Variants in ATE1 observed in about 807,000 individuals in gnomAD.
ATE1 encodes arginyltransferase 1.
Under a neutral mutation model 70.5 loss-of-function variants are expected in ATE1, and 36 were observed. The observed-to-expected ratio is 0.51, with a 90% CI of 0.39 to 0.67. The LOEUF (loss-of-function observed/expected upper bound fraction) is 0.67. ATE1 is among the 30% of genes least tolerant of loss of function. The pLI is 0.00. For missense variants in ATE1, 593 were observed against 629.5 expected (o/e 0.94, Z 0.62); for synonymous variants, 232 against 219.3 (o/e 1.06, Z -0.51).
At chr10:121,908,587 C>CTTTA (rs1951294914) in intron 5 of ATE1, among the ~76,000 whole-genome samples, 1 of 152,140 alleles carries the variant, frequency 6.6e-6, no homozygotes, top group Admixed American at 6.5e-5. Context: ...TAGAAGCAGT[C>CTTTA]CAGCCAGCCA....
intron 10 of ATE1, among the ~76,000 whole-genome samples, chr10:121,819,736 G>T (rs1357578970): frequency 6.7e-6 from 1 of 149,988 alleles, no homozygotes; most frequent in African/African-American, 2.5e-5. Context: ...ACGCTGCTTG[G>T]GTGATGGGTA....
Position 121,922,430 on chromosome 10 carries a change from TTTG to T in ATE1, c.171-22_171-20del, listed in dbSNP as rs775500898. 9 of 1,494,020 alleles carry T rather than the reference TTTG, an allele frequency of 6.0e-6. No homozygotes were observed. 92.5% of individuals were successfully genotyped at this position (1,494,020 alleles called of 1,614,324 possible). On this transcript the variant is annotated intron_variant, in intron 2 of 11. Coordinates refer to ENST00000224652, the MANE Select transcript of ATE1 (RefSeq NM_001001976.3). ...TCCACTTCTAAAATTATAAAAATAG[TTTG>T]TTAATGTCTTATATATTTTTCACTT...
intron 11 of ATE1, among the ~76,000 whole-genome samples, chr10:121,781,026 G>T (rs1945965641): frequency 6.6e-6 from 1 of 152,050 alleles, no homozygotes. Context: ...TCTATTTTTG[G>T]TTGGCTCCTC....
upstream of ATE1, chr10:121,928,124 A>G: frequency 8.1e-7 from 1 of 1,236,668 alleles, no homozygotes; most frequent in South Asian, 3.6e-5. Context: ...CGCCCGCGCC[A>G]TCTTGACCGA....
chr10:121,894,137 CAA>C (rs35919973), intron 7 of ATE1, among the ~76,000 whole-genome samples: 16,100 of 59,564 alleles, frequency 0.27, 862 homozygotes, highest in East Asian at 0.35. Flanking sequence ...AACTCCATCT[CAA>C]AAAAAAAAAA....
rs376585691 is a variant in ATE1 at position 121,748,890 on chromosome 10, T to C, written c.1379-5032A>G. ...AATCCAACTATATTTAGTCTTAGTG[T>C]TCAAATCCTTCAGAAGCTTGTAGGA... On this transcript the variant is annotated intron_variant, in intron 11 of 11. Coordinates refer to ENST00000224652, the MANE Select transcript of ATE1 (RefSeq NM_001001976.3). Among the ~76,000 whole-genome samples, 4 of 152,194 alleles carry C rather than the reference T, an allele frequency of 2.6e-5. No homozygotes were observed. In the East Asian group the frequency reaches 7.7e-4, roughly 29 times the overall value.
chr10:121,808,515 T>G (rs535699827), intron 10 of ATE1, among the ~76,000 whole-genome samples: 11 of 152,204 alleles, frequency 7.2e-5, no homozygotes, highest in Non-Finnish European at 1.2e-4. Context: ...TGGAAGCATC[T>G]GAGCACACAT....
At chr10:121,875,581 A>G (rs1359967159) in intron 7 of ATE1, among the ~76,000 whole-genome samples, 1 of 152,148 alleles carries the variant, frequency 6.6e-6, no homozygotes, top group Non-Finnish European at 1.5e-5. Context: ...CTGGGATTAC[A>G]GGCGTGAGCC....
At chr10:121,746,863 A>G (rs1472493331) in intron 11 of ATE1, among the ~76,000 whole-genome samples, 1 of 152,244 alleles carries the variant, frequency 6.6e-6, no homozygotes, top group African/African-American at 2.4e-5. Flanking sequence ...AGTGACAGGC[A>G]TAACACTCTT....
At chr10:121,749,317 T>C (rs1214104015) in intron 11 of ATE1, among the ~76,000 whole-genome samples, 8 of 152,222 alleles carry the variant, frequency 5.3e-5, no homozygotes, top group Admixed American at 6.5e-5. Context: ...CAAGAAGGTA[T>C]ACTCAGATAT....
intron 11 of ATE1, among the ~76,000 whole-genome samples, chr10:121,776,435 C>A (rs1381959671): frequency 6.6e-6 from 1 of 152,078 alleles, no homozygotes; most frequent in Non-Finnish European, 1.5e-5. Context: ...TACATGATAA[C>A]CCTTTAGCAA....
chr10:121,804,238 C>T (rs946188579), intron 10 of ATE1, among the ~76,000 whole-genome samples: 1 of 152,144 alleles, frequency 6.6e-6, no homozygotes, highest in African/African-American at 2.4e-5. Context: ...TATTATGTTA[C>T]AAACACCAGG....
intron 10 of ATE1, among the ~76,000 whole-genome samples, chr10:121,829,409 C>G (rs1948147419): frequency 6.9e-6 from 1 of 144,208 alleles, no homozygotes; most frequent in African/African-American, 2.6e-5. Context: ...GGCAACAGAG[C>G]AAGACTTTGT....
intron 11 of ATE1, among the ~76,000 whole-genome samples, chr10:121,779,019 A>C (rs1945867927): frequency 2.0e-5 from 3 of 152,116 alleles, no homozygotes; most frequent in South Asian, 2.1e-4. Context: ...ACATCTTGTC[A>C]TACCTCTGAA....
intron 3 of ATE1, among the ~76,000 whole-genome samples, chr10:121,915,974 T>C (rs1951637436): frequency 6.7e-6 from 1 of 149,144 alleles, no homozygotes; most frequent in Non-Finnish European, 1.5e-5. Flanking sequence ...CAGTGGCTCA[T>C]GCCTGTAATA....
chr10:121,793,089 A>AT (rs1367517273), intron 10 of ATE1, among the ~76,000 whole-genome samples: 1 of 152,176 alleles, frequency 6.6e-6, no homozygotes, highest in Non-Finnish European at 1.5e-5. Flanking sequence ...AACACAATGC[A>AT]TTTTTTTAAA....
chr10:121,802,598 C>T (rs1302470493), intron 10 of ATE1, among the ~76,000 whole-genome samples: 2 of 152,082 alleles, frequency 1.3e-5, no homozygotes, highest in South Asian at 2.1e-4. Context: ...CGTGAGCCAC[C>T]GCACCTGGCC....
At chr10:121,925,564 A>G (rs1952054829) in intron 1 of ATE1, among the ~76,000 whole-genome samples, 1 of 152,210 alleles carries the variant, frequency 6.6e-6, no homozygotes, top group Non-Finnish European at 1.5e-5. Flanking sequence ...CTATGAGGAA[A>G]CATTTAAAGG....
intron 11 of ATE1, among the ~76,000 whole-genome samples, chr10:121,746,865 A>T (rs898574372): frequency 6.6e-6 from 1 of 152,208 alleles, no homozygotes; most frequent in African/African-American, 2.4e-5. Context: ...TGACAGGCAT[A>T]ACACTCTTCT....
Sources: allele counts gnomAD v4.1 joint callset (sites outside exome capture counted in the v4.1 genomes callset), GRCh38; gene constraint gnomAD v4.1.1; transcripts MANE v1.5; gene names NCBI Gene and HGNC (gene_info 2026-07-23, HGNC 2026-07-21).